The following NBEAL1 variants were observed in gnomAD, a reference collection of about 807,000 sequenced individuals.
NBEAL1 encodes the protein neurobeachin like 1, also known as neurobeachin-like protein 1.
A neutral mutation model predicts 351.3 loss-of-function variants in NBEAL1; 273 were observed. That is an observed-to-expected ratio of 0.78 (90% confidence interval 0.70 to 0.86). The LOEUF (loss-of-function observed/expected upper bound fraction) is 0.86. NBEAL1 is among the 40% of genes least tolerant of loss of function. NBEAL1 has a pLI of 0.00. For synonymous variants in NBEAL1, 1,050 were observed against 1,086.4 expected (o/e 0.97, Z 0.66); for missense variants, 2,961 against 3,201.3 (o/e 0.92, Z 1.81).
At chr2:203,207,922 A>G (rs2065656324) in intron 51 of NBEAL1, among the ~76,000 whole-genome samples, 1 of 152,230 alleles carries the variant, frequency 6.6e-6, no homozygotes, top group African/African-American at 2.4e-5. Flanking sequence ...AAGAATGATA[A>G]CTAAAAATCA....
intron 38 of NBEAL1, among the ~76,000 whole-genome samples, chr2:203,167,931 T>C (rs1172922030): frequency 6.6e-6 from 1 of 152,208 alleles, no homozygotes; most frequent in African/African-American, 2.4e-5. Context: ...TTTTCTCTCG[T>C]AGGCGTCTCC....
intron 35 of NBEAL1, among the ~76,000 whole-genome samples, chr2:203,152,521 C>T (rs1209181730): frequency 2.0e-5 from 3 of 151,066 alleles, no homozygotes; most frequent in African/African-American, 7.3e-5. Flanking sequence ...ACCCGGGAGG[C>T]GGAGGTTGCA....
Position 203,213,536 on chromosome 2 carries a change from C to A in NBEAL1, c.7953C>A (p.Asn2651Lys), listed in dbSNP as rs763472177. The change falls in exon 55 of 56, where the codon AAC becomes AAA. Residue 2651 changes from asparagine to lysine, a missense_variant. Transcript: ENST00000683969. ...TTTCTAGCTTGAATCTCAGCATCAA[C>A]CCATTAGCCATGCGACTGCCTATCC... ...RDLHSLNLSI[N>K]PLAMRLPIHC... The A allele has an allele frequency of 1.2e-6, 2 of 1,613,234 alleles. No individual in the cohort carries two copies. The highest frequency in any genetic ancestry group is 1.1e-5 in the South Asian group (1 of 90,916).
intron 42 of NBEAL1, among the ~76,000 whole-genome samples, chr2:203,178,234 C>G (rs192380041): frequency 1.3e-5 from 2 of 150,586 alleles, no homozygotes; most frequent in Non-Finnish European, 3.0e-5. Context: ...GCTCAGTTTC[C>G]GCTCACTGCA....
chr2:203,134,751 T>C (rs2063159142), intron 27 of NBEAL1, among the ~76,000 whole-genome samples: 1 of 152,248 alleles, frequency 6.6e-6, no homozygotes, highest in Admixed American at 6.5e-5. Context: ...TGTCACTGTT[T>C]ACTATTCTAG....
chr2:203,078,350 T>C (rs2061814739), intron 8 of NBEAL1, among the ~76,000 whole-genome samples: 1 of 152,206 alleles, frequency 6.6e-6, no homozygotes, highest in South Asian at 2.1e-4. Flanking sequence ...TTTCTGTTTT[T>C]GTTTTTTGAA....
chr2:203,037,696 G>A (rs112686034), intron 2 of NBEAL1, among the ~76,000 whole-genome samples: 11 of 149,032 alleles, frequency 7.4e-5, no homozygotes, highest in Non-Finnish European at 1.4e-4. Context: ...CAGGCTGGTC[G>A]AGGTGGCTCA....
Position 203,151,727 on chromosome 2 carries a change from A to G in NBEAL1, c.5587+138A>G, listed in dbSNP as rs896246163. On this transcript the variant is annotated intron_variant, in intron 35 of 55. Coordinates refer to ENST00000683969, the MANE Select transcript of NBEAL1 (RefSeq NM_001378026.1). ...TTTTATAATTGATATTTAAGTGACT[A>G]TATGTTTTCAGTCCTGTTACATTTG... is the stretch of plus-strand genomic sequence containing the variant. The G allele has an allele frequency of 4.0e-6, 3 of 759,374 alleles. No individual in the cohort carries two copies. In the South Asian group the frequency reaches 9.9e-5, roughly 25 times the overall value. The allele number at this position is 759,374 out of a possible 1,614,324, so 47.0% of individuals were successfully genotyped here.
At chr2:203,168,937 TA>T (rs1310652567) in intron 38 of NBEAL1, among the ~76,000 whole-genome samples, 2 of 151,934 alleles carry the variant, frequency 1.3e-5, no homozygotes, top group African/African-American at 4.8e-5. Flanking sequence ...ATTCCTTTTT[TA>T]ATAGTTAAAG....
chr2:203,120,942 A>G (rs1004821738), intron 18 of NBEAL1, among the ~76,000 whole-genome samples: 1 of 152,232 alleles, frequency 6.6e-6, no homozygotes, highest in South Asian at 2.1e-4. Flanking sequence ...GGAAAGCAGT[A>G]ACTACATCAT....
At chr2:203,152,690 C>T (rs188191611) in intron 35 of NBEAL1, among the ~76,000 whole-genome samples, 10 of 152,168 alleles carry the variant, frequency 6.6e-5, no homozygotes, top group Admixed American at 5.2e-4. Flanking sequence ...TCTCACTTGT[C>T]TTCTCTCCCT....
intron 44 of NBEAL1, among the ~76,000 whole-genome samples, chr2:203,184,791 G>A (rs139132396): frequency 1.0e-3 from 153 of 152,036 alleles, no homozygotes; most frequent in African/African-American, 3.4e-3. Flanking sequence ...CCAAGTGTGG[G>A]TGGTGTGTAC....
chr2:203,188,433 A>G, intron 44 of NBEAL1, 39 bp from the exon 45 acceptor site: 56 of 938,204 alleles, frequency 6.0e-5, no homozygotes, highest in Non-Finnish European at 7.9e-5. Context: ...TAGTTGGAAG[A>G]TATCTCTATA....
Position 203,041,790 on chromosome 2 carries a change from G to T in NBEAL1, c.77G>T (p.Trp26Leu). ...TKKDPDYLKL[W>L]LDTFVSSYEQ... is the part of the protein sequence containing the mutation. ...AAAGATCCAGATTACCTGAAGCTGT[G>T]GTTGGACACTTTTGTTTCTAGCTAT... The change falls in exon 3 of 56, where the codon TGG becomes TTG. Residue 26 changes from tryptophan (W) to leucine (L), a missense_variant. Coordinates refer to ENST00000683969, the MANE Select transcript of NBEAL1 (RefSeq NM_001378026.1). The T allele has an allele frequency of 3.2e-6, 5 of 1,553,600 alleles. No homozygotes were observed. The highest frequency in any genetic ancestry group is 4.4e-6 in the Non-Finnish European group (5 of 1,147,366).
intron 18 of NBEAL1, among the ~76,000 whole-genome samples, chr2:203,118,194 G>C (rs535671909): frequency 4.6e-5 from 7 of 152,240 alleles, no homozygotes; most frequent in African/African-American, 1.7e-4. Flanking sequence ...AATCATTTGT[G>C]AAAACGAATT....
At chr2:203,203,582 A>C (rs1025410782) in intron 51 of NBEAL1, among the ~76,000 whole-genome samples, 1 of 152,038 alleles carries the variant, frequency 6.6e-6, no homozygotes, top group African/African-American at 2.4e-5. Flanking sequence ...AGCGTGGGAC[A>C]TGCTTGTGGT....
chr2:203,052,746 A>ATT (rs1553601937), intron 4 of NBEAL1, among the ~76,000 whole-genome samples: 71 of 150,246 alleles, frequency 4.7e-4, no homozygotes, highest in African/African-American at 1.4e-3. Flanking sequence ...TTATTTATTT[A>ATT]TTTATTTATT....
chr2:203,081,435 G>T (rs547583951), intron 8 of NBEAL1, among the ~76,000 whole-genome samples: 1 of 152,200 alleles, frequency 6.6e-6, no homozygotes, highest in Admixed American at 6.5e-5. Flanking sequence ...ACATTTATGG[G>T]ATATTTGTAA....
At chr2:203,064,901 TCCC>T (rs1404941833) in intron 6 of NBEAL1, among the ~76,000 whole-genome samples, 5 of 152,174 alleles carry the variant, frequency 3.3e-5, no homozygotes, top group Non-Finnish European at 5.9e-5. Flanking sequence ...TAAAACTATA[TCCC>T]TATTAGTAAA....
Sources: allele counts gnomAD v4.1 joint callset (sites outside exome capture counted in the v4.1 genomes callset), GRCh38; gene constraint gnomAD v4.1.1; transcripts MANE v1.5; gene names NCBI Gene and HGNC (gene_info 2026-07-23, HGNC 2026-07-21).